MMS19: variants seen among roughly 807,000 people sequenced by gnomAD.
MMS19 encodes the protein MMS19 cytosolic iron-sulfur assembly component, also known as MMS19 nucleotide excision repair protein homolog.
Under a neutral mutation model 129.8 loss-of-function variants are expected in MMS19, and 77 were observed. The observed-to-expected ratio is 0.59, with a 90% confidence interval of 0.49 to 0.72. The LOEUF (loss-of-function observed/expected upper bound fraction) is 0.72. Among genes scored for constraint, MMS19 ranks in the 30% least tolerant of loss-of-function variants. MMS19 has a pLI of 0.00. For synonymous variants in MMS19, 491 were observed against 502.8 expected (o/e 0.98, Z 0.31); for missense variants, 1,168 against 1,266.3 (o/e 0.92, Z 1.18).
rs1312592268 is a variant in MMS19, at chr10:97,459,027, G to A, written c.2965-127C>T. The A allele has an allele frequency of 6.8e-6, 7 of 1,026,976 alleles. No individual in the cohort carries two copies. In the African/African-American group the frequency reaches 1.1e-4, roughly 17 times the overall value. The allele number at this position is 1,026,976 out of a possible 1,614,324, so 63.6% of individuals were successfully genotyped here. A position where few individuals can be genotyped will look rare whatever the true frequency, so the allele number is the denominator to read the frequency against. On this transcript the variant is annotated intron_variant, in intron 29 of 30. Coordinates refer to ENST00000438925, the MANE Select transcript of MMS19 (RefSeq NM_022362.5). ...CTTTAGTGATTCCAAGGGATGTTAAGTGGCAGGATGGCCTTTCTGTTACCT... is the reference window on the plus strand; with the variant it reads ...CTTTAGTGATTCCAAGGGATGTTAAATGGCAGGATGGCCTTTCTGTTACCT...
chr10:97,468,668 C>T (rs2034034018), intron 12 of MMS19, among the ~76,000 whole-genome samples: 1 of 152,080 alleles, frequency 6.6e-6, no homozygotes, highest in Non-Finnish European at 1.5e-5. Context: ...AGCTGGAGTG[C>T]AGTGGCGCAA....
rs757324330 is a variant in MMS19, at chr10:97,477,970, C to G, written c.349-41G>C. The stretch of plus-strand genomic sequence containing the variant: ...AGGTACGTGAATACCGAAGGAATTG[C>G]AGCATGGCCTCCAAGACACAACCCT... On this transcript the variant is annotated intron_variant, in intron 4 of 30. Transcript: ENST00000438925. 15 of 1,369,928 alleles carry G rather than the reference C, an allele frequency of 1.1e-5. No individual in the cohort carries two copies. The Admixed American group carries it at 1.2e-4, about 11-fold the overall frequency. The allele number at this position is 1,369,928 out of a possible 1,614,324, so 84.9% of individuals were successfully genotyped here. A position where few individuals can be genotyped will look rare whatever the true frequency, so the allele number is the denominator to read the frequency against.
intron 8 of MMS19, among the ~76,000 whole-genome samples, chr10:97,474,379 C>A (rs890691430): frequency 6.6e-6 from 1 of 151,608 alleles, no homozygotes; most frequent in African/African-American, 2.4e-5. Context: ...CCCATCTCTA[C>A]TAAAAAATAT....
At chr10:97,480,383 C>A (rs2036570297) in intron 3 of MMS19, 1 of 437,082 alleles carries the variant, frequency 2.3e-6, no homozygotes. Flanking sequence ...ACAAAAAAAA[C>A]AAAACAAAAA....
chr10:97,461,815 T>G lies in MMS19; in HGVS notation c.2184+13A>C. 1 of 1,605,564 alleles carries G rather than the reference T, an allele frequency of 6.2e-7. No individual in the cohort carries two copies. The highest frequency in any genetic ancestry group is 2.2e-5 in the East Asian group (1 of 44,622). ...AGGTTAAATAACAGTACTTCCCAAA[T>G]GTGCTCACTTACATTTCGAGGCAGG... On this transcript the variant is annotated intron_variant, in intron 22 of 30. Coordinates refer to ENST00000438925, the MANE Select transcript of MMS19 (RefSeq NM_022362.5).
At chr10:97,466,184 T>G (rs112341396) in intron 16 of MMS19, 25 bp from the exon 17 acceptor site, 3 of 1,542,454 alleles carry the variant, frequency 1.9e-6, no homozygotes, top group Non-Finnish European at 2.6e-6. Flanking sequence ...CAGATAAGCA[T>G]TGGCTGAGCC....
chr10:97,481,128 C>T (rs958875662), intron 2 of MMS19, 86 bp from the exon 3 acceptor site: 4 of 873,636 alleles, frequency 4.6e-6, no homozygotes, highest in African/African-American at 3.4e-5. Flanking sequence ...TCACACTCAC[C>T]CCCTGGGCAT....
chr10:97,469,349 C>G (rs1487964557), intron 11 of MMS19, among the ~76,000 whole-genome samples: 2 of 152,234 alleles, frequency 1.3e-5, no homozygotes, highest in African/African-American at 2.4e-5. Flanking sequence ...GCTCTGCTCA[C>G]CTTTCTATTC....
Position 97,459,487 on chromosome 10 carries a change from A to C in MMS19, c.2779T>G (p.Cys927Gly). The change falls in exon 28 of 31, where the codon TGT (cysteine) becomes GGT (glycine). Residue 927 changes from cysteine (C) to glycine (G), a missense_variant. Physicochemically the swap from Cys to Gly is radical, Grantham distance 159 (BLOSUM62 -3). Around this residue, in one of 3 missense-constraint regions of MMS19, gnomAD observed 831 missense variants for 910.8 expected, o/e 0.91. Coordinates refer to ENST00000438925, the MANE Select transcript of MMS19 (RefSeq NM_022362.5). ...LLLEALSCPD[C>G]VVQLSTLSCL... ...CTGAGGGTGGAGAGCTGCACCACAC[A>C]GTCAGGGCAGGACAGGGCCTCCAGC... 1.9e-6 allele frequency: 3 copies of C among 1,613,426 alleles called. No homozygotes were observed. In the East Asian group the frequency reaches 6.7e-5, roughly 36 times the overall value.
At chr10:97,495,778 T>G (rs1430757887) in intron 1 of MMS19, among the ~76,000 whole-genome samples, 1 of 152,252 alleles carries the variant, frequency 6.6e-6, no homozygotes, top group Non-Finnish European at 1.5e-5. Context: ...TTGTACCAAC[T>G]TTCTTTTCTT....
At chr10:97,459,973 A>G in intron 26 of MMS19, 73 bp downstream of exon 26, 1 of 1,516,418 alleles carries the variant, frequency 6.6e-7, no homozygotes, top group Non-Finnish European at 9.0e-7. Context: ...AGCGGGCCCT[A>G]AATTATCTTA....
rs889567912 is a variant in MMS19 at position 97,480,927 on chromosome 10, T to C, written c.262+15A>G. On this transcript the variant is annotated intron_variant, in intron 3 of 30. Transcript: ENST00000438925. ...CAGCAATCCAGGAAGACATTCCTAT[T>C]AGTGACACCAGTACCTTCCTTCTCC... is the stretch of plus-strand genomic sequence containing the variant. 6.4e-7 allele frequency: 1 copy of C among 1,559,598 alleles called. No individual in the cohort carries two copies. The highest frequency in any genetic ancestry group is 8.8e-7 in the Non-Finnish European group (1 of 1,138,550).
At position 97,461,335 on chromosome 10, in the gene MMS19, T is replaced by G. The variant is rs29001328; in HGVS notation, c.2311+161A>C. The G allele has an allele frequency of 5.8e-3, 4,788 of 830,926 alleles. 167 individuals are homozygous for G. In the African/African-American group the frequency reaches 0.075, roughly 13 times the overall value. The allele number at this position is 830,926 out of a possible 1,614,324, so 51.5% of individuals were successfully genotyped here. ...TATAAAGCTCTGCCCAACTGTGGTC[T>G]TGACGCTTTTCCCACGGGCAGTCCC... On this transcript the variant is annotated intron_variant, in intron 23 of 30. Transcript: ENST00000438925.
At chr10:97,492,947 T>C (rs1404287558) in intron 1 of MMS19, among the ~76,000 whole-genome samples, 1 of 151,742 alleles carries the variant, frequency 6.6e-6, no homozygotes, top group Admixed American at 6.6e-5. Flanking sequence ...GGGCTTAAGA[T>C]AGAAATATGG....
chr10:97,480,209 A>C (rs905893689), intron 3 of MMS19: 6 of 454,162 alleles, frequency 1.3e-5, no homozygotes, highest in African/African-American at 1.2e-4. Flanking sequence ...TGCAAATCAG[A>C]CACCGCCTCC....
chr10:97,484,494 A>G (rs934971510), intron 1 of MMS19, among the ~76,000 whole-genome samples: 3 of 152,236 alleles, frequency 2.0e-5, no homozygotes, highest in African/African-American at 7.2e-5. Flanking sequence ...ATACATATAC[A>G]CAATAGCCTG....
chr10:97,498,518 T>A, upstream of MMS19: 1 of 1,316,722 alleles, frequency 7.6e-7, no homozygotes, highest in Non-Finnish European at 1.0e-6. Context: ...TGCCGGCTTC[T>A]GCCTAGGCAG....
chr10:97,467,611 C>A (rs773578373), intron 13 of MMS19, 28 bp from the exon 14 acceptor site: 2 of 1,604,578 alleles, frequency 1.2e-6, no homozygotes, highest in African/African-American at 2.7e-5. Context: ...GTACTAGAGT[C>A]AAAGAATATT....
chr10:97,497,913 G>A (rs29001250), intron 1 of MMS19, among the ~76,000 whole-genome samples: 2 of 152,128 alleles, frequency 1.3e-5, no homozygotes, highest in East Asian at 3.9e-4. Context: ...GCATGGCTTC[G>A]TGGCGTGAGC....
Sources: allele counts gnomAD v4.1 joint callset (sites outside exome capture counted in the v4.1 genomes callset), GRCh38; gene constraint gnomAD v4.1.1; regional missense constraint gnomAD v4.1.1; transcripts MANE v1.5; gene names NCBI Gene and HGNC (gene_info 2026-07-23, HGNC 2026-07-21).